The following WWOX variants were observed in gnomAD, a reference collection of about 807,000 sequenced individuals.
The protein encoded by WWOX is WW domain-containing oxidoreductase.
Under a neutral mutation model 46.2 loss-of-function variants are expected in WWOX, and 69 were observed. The observed-to-expected ratio is 1.49, with a 90% CI of 1.23 to 1.82. The LOEUF (loss-of-function observed/expected upper bound fraction) is 1.82, where lower values mean the gene tolerates loss of function less well. Among genes scored for constraint, WWOX ranks in the 40% most tolerant of loss-of-function variants. The pLI, the probability that WWOX is intolerant of heterozygous loss-of-function variation, is 0.00. For missense variants in WWOX, 919 were observed against 542.6 expected, an observed-to-expected ratio of 1.69 and a Z score of -6.89; for synonymous variants, 359 against 202.6, an observed-to-expected ratio of 1.77 and a Z score of -6.56.
At chr16:78,815,461 G>A (rs2051304656) in intron 8 of WWOX, among the ~76,000 whole-genome samples, 1 of 152,136 alleles carries the variant, frequency 6.6e-6, no homozygotes, top group South Asian at 2.1e-4. Context: ...TACAAACAGT[G>A]CCTTTACTAA....
intron 5 of WWOX, among the ~76,000 whole-genome samples, chr16:78,217,212 A>C (rs1184139115): frequency 2.0e-5 from 3 of 152,048 alleles, no homozygotes; most frequent in Admixed American, 2.0e-4. Flanking sequence ...ACAGTCATAA[A>C]AGTCTGTTCC....
At chr16:78,881,026 C>T (rs1413247417) in intron 8 of WWOX, among the ~76,000 whole-genome samples, 2 of 148,868 alleles carry the variant, frequency 1.3e-5, no homozygotes, top group Non-Finnish European at 3.0e-5. Context: ...AAAGTCTCGC[C>T]CTGTTGCCAG....
At chr16:78,412,312 G>C (rs867661891) in intron 6 of WWOX, among the ~76,000 whole-genome samples, 26 of 152,138 alleles carry the variant, frequency 1.7e-4, no homozygotes, top group South Asian at 2.1e-4. Context: ...AGAAGATGAA[G>C]AGTTTAGATT....
At chr16:78,925,134 G>A (rs1264667037) in intron 8 of WWOX, among the ~76,000 whole-genome samples, 1 of 152,208 alleles carries the variant, frequency 6.6e-6, no homozygotes, top group Non-Finnish European at 1.5e-5. Flanking sequence ...GGTCGAGGCT[G>A]CAGTGAGCAA....
chr16:78,465,791 T>C (rs2084061763), intron 8 of WWOX, among the ~76,000 whole-genome samples: 1 of 152,200 alleles, frequency 6.6e-6, no homozygotes, highest in South Asian at 2.1e-4. Flanking sequence ...ATTCTGTGTT[T>C]CATGATTTTT....
At chr16:78,693,654 C>T (rs1024203290) in intron 8 of WWOX, among the ~76,000 whole-genome samples, 6 of 152,058 alleles carry the variant, frequency 3.9e-5, no homozygotes, top group East Asian at 1.9e-4. Context: ...GGTTGTGGTG[C>T]GGTGACATAA....
chr16:78,555,112 A>ATC (rs1417976384), intron 8 of WWOX, among the ~76,000 whole-genome samples: 3 of 143,666 alleles, frequency 2.1e-5, no homozygotes, highest in African/African-American at 7.8e-5. Context: ...CTTTGTCTCT[A>ATC]TCTCTCTTTC....
chr16:78,719,051 C>G (rs2048633836), intron 8 of WWOX, among the ~76,000 whole-genome samples: 1 of 152,116 alleles, frequency 6.6e-6, no homozygotes, highest in South Asian at 2.1e-4. Context: ...GAACTTAGTT[C>G]CAACAGAGCT....
intron 8 of WWOX, among the ~76,000 whole-genome samples, chr16:78,941,981 C>T (rs2045860485): frequency 6.6e-6 from 1 of 152,108 alleles, no homozygotes; most frequent in Non-Finnish European, 1.5e-5. Context: ...GAATGTGGGT[C>T]ATTGGGAAAT....
chr16:79,044,009 G>A (rs2048021301), intron 8 of WWOX, among the ~76,000 whole-genome samples: 1 of 152,230 alleles, frequency 6.6e-6, no homozygotes, highest in South Asian at 2.1e-4. Flanking sequence ...TTAGGCCTGA[G>A]TTATGTGCTC....
At chr16:78,551,163 T>G (rs1435947303) in intron 8 of WWOX, 1 of 152,174 alleles carries the variant, frequency 6.6e-6, no homozygotes, top group Non-Finnish European at 1.5e-5. Flanking sequence ...ATATCATGAA[T>G]TTATTCCATG....
chr16:78,170,854 G>C (rs1567610701), intron 5 of WWOX, among the ~76,000 whole-genome samples: 1 of 152,202 alleles, frequency 6.6e-6, no homozygotes, highest in Non-Finnish European at 1.5e-5. Context: ...AAAAATAAAA[G>C]ATTTATTAGC....
At chr16:78,566,932 A>T (rs972784213) in intron 8 of WWOX, among the ~76,000 whole-genome samples, 2 of 152,188 alleles carry the variant, frequency 1.3e-5, no homozygotes, top group South Asian at 4.1e-4. Flanking sequence ...AGCAGTATCG[A>T]TAGCAATCAT....
intron 8 of WWOX, among the ~76,000 whole-genome samples, chr16:78,796,228 G>A (rs922453320): frequency 6.6e-6 from 1 of 152,166 alleles, no homozygotes; most frequent in African/African-American, 2.4e-5. Context: ...AATTAGTATA[G>A]ACATTCAGCA....
chr16:79,004,145 T>C (rs2151367941), intron 8 of WWOX: 1 of 152,354 alleles, frequency 6.6e-6, no homozygotes, highest in Middle Eastern at 3.4e-3. Context: ...TCTACCCACA[T>C]CAGGCAATTC....
chr16:78,858,713 T>A (rs895215427), intron 8 of WWOX, among the ~76,000 whole-genome samples: 1 of 151,946 alleles, frequency 6.6e-6, no homozygotes, highest in Non-Finnish European at 1.5e-5. Flanking sequence ...AGTGTCTTAC[T>A]TCATCACCCA....
chr16:78,856,429 G>A (rs1444173700), intron 8 of WWOX, among the ~76,000 whole-genome samples: 1 of 152,146 alleles, frequency 6.6e-6, no homozygotes, highest in African/African-American at 2.4e-5. Flanking sequence ...GATAGCTTGA[G>A]GTCAAGAGTT....
At chr16:78,420,550 T>G (rs1056941096) in intron 6 of WWOX, among the ~76,000 whole-genome samples, 2 of 152,002 alleles carry the variant, frequency 1.3e-5, no homozygotes, top group African/African-American at 4.8e-5. Context: ...CCATTTAGTA[T>G]ATAAAATGTC....
intron 8 of WWOX, among the ~76,000 whole-genome samples, chr16:78,913,136 T>G (rs1163413465): frequency 6.6e-6 from 1 of 152,046 alleles, no homozygotes; most frequent in Non-Finnish European, 1.5e-5. Flanking sequence ...AGAAAAGATT[T>G]TGATTTCGAT....
Sources: gnomAD v4.1 joint callset for allele counts (sites outside exome capture counted in the v4.1 genomes callset) on GRCh38, gnomAD v4.1.1 for gene constraint, MANE v1.5 for transcripts, NCBI Gene and HGNC (gene_info 2026-07-23, HGNC 2026-07-21) for gene names.